The following MPPED2 variants were observed in gnomAD, a reference collection of about 807,000 sequenced individuals.
MPPED2 encodes metallophosphoesterase MPPED2.
A neutral mutation model predicts 33.0 loss-of-function variants in MPPED2; 5 were observed. The ratio of observed to expected loss-of-function variants is 0.15; its 90% CI spans 0.08 to 0.32. The LOEUF is 0.32. Ranked by LOEUF, MPPED2 falls within the 10% of genes least tolerant of loss-of-function variation. The pLI, the probability that MPPED2 is intolerant of heterozygous loss-of-function variation, is 1.00. For synonymous variants in MPPED2, 136 were observed against 141.9 expected (o/e 0.96, Z 0.29); for missense variants, 275 against 372.1 (o/e 0.74, Z 2.15).
chr11:30,431,760 G>A (rs1949087806), intron 4 of MPPED2, among the ~76,000 whole-genome samples: 1 of 152,146 alleles, frequency 6.6e-6, no homozygotes, highest in African/African-American at 2.4e-5. Flanking sequence ...CTTAAAGGAT[G>A]ATGAAATTAT....
At chr11:30,475,023 T>C (rs1951116819) in intron 4 of MPPED2, among the ~76,000 whole-genome samples, 1 of 152,196 alleles carries the variant, frequency 6.6e-6, no homozygotes, top group Non-Finnish European at 1.5e-5. Context: ...ATGTAAGTTA[T>C]GGTGAGCATG....
At chr11:30,447,532 G>C (rs918459307) in intron 4 of MPPED2, among the ~76,000 whole-genome samples, 1 of 152,140 alleles carries the variant, frequency 6.6e-6, no homozygotes, top group Non-Finnish European at 1.5e-5. Flanking sequence ...AATAGGAGCC[G>C]AGCAGTGTGT....
chr11:30,489,910 A>ATT (rs11411621), intron 4 of MPPED2, among the ~76,000 whole-genome samples: 14,442 of 149,024 alleles, frequency 0.097, 2,106 homozygotes, highest in African/African-American at 0.32. Flanking sequence ...TAGTATGTGG[A>ATT]TTTTTTTTTT....
intron 2 of MPPED2, among the ~76,000 whole-genome samples, chr11:30,569,391 T>G (rs759333421): frequency 2.6e-5 from 4 of 152,204 alleles, no homozygotes. Context: ...GAATTAAGAA[T>G]TAATATCCTT....
chr11:30,430,455 TTA>T (rs1258560520), intron 4 of MPPED2, among the ~76,000 whole-genome samples: 4 of 152,372 alleles, frequency 2.6e-5, no homozygotes, highest in African/African-American at 9.6e-5. Flanking sequence ...AAATTTTATT[TTA>T]TGTTTTTACT....
At chr11:30,424,096 T>A (rs1565053494) in intron 4 of MPPED2, among the ~76,000 whole-genome samples, 1 of 152,214 alleles carries the variant, frequency 6.6e-6, no homozygotes, top group East Asian at 1.9e-4. Context: ...TCCTGTGGAA[T>A]GCAAGAGCAC....
At chr11:30,387,008 TTAG>T (rs913032769) in exon 7 of MPPED2, 4 of 372,614 alleles carry the variant, frequency 1.1e-5, no homozygotes, top group African/African-American at 8.3e-5. Flanking sequence ...GGCCACATAG[TTAG>T]TAGTGATGGA....
chr11:30,579,872 A>G (rs924954272), intron 2 of MPPED2, among the ~76,000 whole-genome samples: 2 of 152,102 alleles, frequency 1.3e-5, no homozygotes, highest in Non-Finnish European at 2.9e-5. Context: ...ATATTTCAGA[A>G]TGGAGGCAAG....
At chr11:30,460,560 C>T (rs1950479699) in intron 4 of MPPED2, among the ~76,000 whole-genome samples, 2 of 152,056 alleles carry the variant, frequency 1.3e-5, no homozygotes, top group Non-Finnish European at 2.9e-5. Flanking sequence ...GAGTTCCAGG[C>T]TGCAGTGAAC....
At chr11:30,501,534 A>C (rs1952560964) in intron 3 of MPPED2, 1 of 653,662 alleles carries the variant, frequency 1.5e-6, no homozygotes, top group African/African-American at 2.0e-5. Flanking sequence ...TCATCCAGAT[A>C]TCTCTGTCTT....
chr11:30,576,263 A>C (rs900125983), intron 2 of MPPED2, among the ~76,000 whole-genome samples: 3 of 152,202 alleles, frequency 2.0e-5, no homozygotes. Context: ...GCAAATGTTA[A>C]ACCCGGTAAT....
intron 2 of MPPED2, among the ~76,000 whole-genome samples, chr11:30,565,079 T>A (rs1956389548): frequency 1.3e-5 from 2 of 152,022 alleles, no homozygotes; most frequent in Admixed American, 1.3e-4. Context: ...GGTAGAGAAA[T>A]CCCCACATAT....
At chr11:30,461,032 T>A (rs1950497280) in intron 4 of MPPED2, among the ~76,000 whole-genome samples, 1 of 152,240 alleles carries the variant, frequency 6.6e-6, no homozygotes, top group Non-Finnish European at 1.5e-5. Flanking sequence ...AGGGGAATGC[T>A]ATTCAGCTTC....
rs71060450 is a variant in MPPED2 at position 30,458,914 on chromosome 11, CTTT to C, written c.536+36379_536+36381del. On this transcript the variant is annotated intron_variant, in intron 4 of 6. Transcript: ENST00000358117. The stretch of plus-strand genomic sequence containing the variant: ...TTTTTTAGGACAATTTTGCACAGTT[CTTT>C]TTTTTTTTTTTTTTTTTTTTTTTTT... Among the ~76,000 whole-genome samples, 152 of 64,532 alleles carry C rather than the reference CTTT, an allele frequency of 2.4e-3. 2 individuals carry two copies. The highest frequency in any genetic ancestry group is 8.2e-3 in the African/African-American group (140 of 17,098). The allele number at this position is 64,532 out of a possible 152,430, so 42.3% of individuals were successfully genotyped here. A position where few individuals can be genotyped will look rare whatever the true frequency, so the allele number is the denominator to read the frequency against.
chr11:30,485,072 T>A lies in MPPED2; in HGVS notation c.536+10224A>T, dbSNP rs1951658991. Among the ~76,000 whole-genome samples, 4 of 152,108 alleles carry A rather than the reference T, an allele frequency of 2.6e-5. 1 individual carries two copies. In the South Asian group the frequency reaches 8.3e-4, roughly 32 times the overall value. ...TAATATTAATTGAGCATTCACCGAG[T>A]GCCAGGAACTTAACATACATGATCT... On this transcript the variant is annotated intron_variant, in intron 4 of 6. Transcript: ENST00000358117.
intron 3 of MPPED2, among the ~76,000 whole-genome samples, chr11:30,508,021 C>T (rs1389444018): frequency 6.6e-6 from 1 of 152,120 alleles, no homozygotes; most frequent in Non-Finnish European, 1.5e-5. Flanking sequence ...TAGGCCTCAG[C>T]ATCTTAAAAT....
At chr11:30,562,355 G>C (rs117331640) in intron 2 of MPPED2, among the ~76,000 whole-genome samples, 2,608 of 152,224 alleles carry the variant, frequency 0.017, 42 homozygotes, top group Non-Finnish European at 0.024. Flanking sequence ...GACATATTCT[G>C]AAATGAAAGT....
intron 4 of MPPED2, among the ~76,000 whole-genome samples, chr11:30,468,266 T>A (rs879655458): frequency 0.063 from 7,106 of 112,834 alleles, 216 homozygotes; most frequent in Middle Eastern, 0.12. Context: ...ACTCTCTCTC[T>A]CTCTCTCTCT....
At chr11:30,526,980 A>C (rs1954226397) in intron 3 of MPPED2, among the ~76,000 whole-genome samples, 1 of 124,674 alleles carries the variant, frequency 8.0e-6, no homozygotes, top group South Asian at 2.9e-4. Flanking sequence ...GCTAGAGTGC[A>C]GTGGCGTGAT....
Sources: gnomAD v4.1 joint callset for allele counts (sites outside exome capture counted in the v4.1 genomes callset) on GRCh38, gnomAD v4.1.1 for gene constraint, MANE v1.5 for transcripts, NCBI Gene and HGNC (gene_info 2026-07-23, HGNC 2026-07-21) for gene names.